Variants in SEMA6D observed in about 807,000 individuals in gnomAD.
SEMA6D encodes the protein semaphorin-6D.
A neutral mutation model predicts 106.6 loss-of-function variants in SEMA6D; 35 were observed. The ratio of observed to expected loss-of-function variants is 0.33; its 90% confidence interval spans 0.25 to 0.44. SEMA6D has a LOEUF of 0.44. Among genes scored for constraint, SEMA6D ranks in the 20% least tolerant of loss-of-function variants. The pLI, the probability that SEMA6D is intolerant of heterozygous loss-of-function variation, is 1.00. For synonymous variants in SEMA6D, 499 were observed against 487.7 expected (o/e 1.02, Z -0.31); for missense variants, 1,185 against 1,345.9 (o/e 0.88, Z 1.87).
intron 1 of SEMA6D, among the ~76,000 whole-genome samples, chr15:47,370,681 C>CT (rs1794724671): frequency 1.4e-5 from 1 of 72,668 alleles, no homozygotes; most frequent in African/African-American, 6.0e-5. Context: ...GCCGTCTCTA[C>CT]TTAAAAAAAA....
At chr15:47,721,184 C>G (rs1567020913) in intron 1 of SEMA6D, among the ~76,000 whole-genome samples, 1 of 152,150 alleles carries the variant, frequency 6.6e-6, no homozygotes, top group Non-Finnish European at 1.5e-5. Context: ...GAAAACAGAC[C>G]TTTTGACAAG....
At chr15:47,197,786 C>T (rs940896114) in intron 1 of SEMA6D, among the ~76,000 whole-genome samples, 12 of 151,922 alleles carry the variant, frequency 7.9e-5, no homozygotes, top group South Asian at 4.2e-4. Context: ...ATTCCCATGC[C>T]GTCATTAATT....
chr15:47,723,590 A>G (rs971773089), intron 1 of SEMA6D, among the ~76,000 whole-genome samples: 3 of 152,202 alleles, frequency 2.0e-5, no homozygotes, highest in Non-Finnish European at 2.9e-5. Flanking sequence ...ATTAGATTGT[A>G]CTATACATTT....
At chr15:47,627,774 GTCAAGATAAGAGTA>G (rs1486609635) in intron 4 of SEMA6D, among the ~76,000 whole-genome samples, 4 of 152,012 alleles carry the variant, frequency 2.6e-5, no homozygotes, top group Admixed American at 2.0e-4. Context: ...CACTGGTGCT[GTCAAGATAAGAGTA>G]TAGCTCCATC....
rs1183855035 is a variant in SEMA6D, at chr15:47,437,038, T to A, written c.-159+24566T>A. On this transcript the variant is annotated intron_variant, in intron 2 of 19. Coordinates refer to the SEMA6D transcript ENST00000558014. Reference sequence around the variant, plus strand: ...AAAGAAAGAAAGAGAGAAGGGAGGGTAGGGAGGGGAGGGGATGGGAAGGGG... The same window carrying A: ...AAAGAAAGAAAGAGAGAAGGGAGGGAAGGGAGGGGAGGGGATGGGAAGGGG... 2.9e-4 allele frequency among the ~76,000 whole-genome samples: 7 copies of A among 23,958 alleles called. No individual in the cohort carries two copies. The East Asian group carries it at 3.9e-3, about 13-fold the overall frequency. 15.7% of individuals were successfully genotyped at this position (23,958 alleles called of 152,430 possible).
At chr15:47,534,686 G>A (rs1055249347) in intron 3 of SEMA6D, among the ~76,000 whole-genome samples, 10 of 151,966 alleles carry the variant, frequency 6.6e-5, no homozygotes, top group South Asian at 4.2e-4. Context: ...TAATGCTTTC[G>A]GGGATTTGAG....
chr15:47,607,083 A>G lies in SEMA6D; in HGVS notation c.-55+6187A>G, dbSNP rs1027501569. 3.4e-5 allele frequency among the ~76,000 whole-genome samples: 5 copies of G among 149,226 alleles called. No homozygotes were observed. The East Asian group carries it at 9.8e-4, about 29-fold the overall frequency. On this transcript the variant is annotated intron_variant, in intron 4 of 19. Transcript: ENST00000558014. ...AGAAGGCTTAAATAAAATTGTTTGA[A>G]AATTATGATAAGGACTTGATCAGAT...
At chr15:47,490,436 G>A (rs1216767775) in intron 3 of SEMA6D, among the ~76,000 whole-genome samples, 1 of 152,100 alleles carries the variant, frequency 6.6e-6, no homozygotes, top group Non-Finnish European at 1.5e-5. Context: ...ACAAGGTCAG[G>A]AGTTCAAGAC....
chr15:47,518,990 C>T (rs1048617648), intron 3 of SEMA6D, among the ~76,000 whole-genome samples: 16 of 151,768 alleles, frequency 1.1e-4, no homozygotes, highest in African/African-American at 3.4e-4. Context: ...TTTGGGAGGC[C>T]GAGGCAGGTG....
chr15:47,760,334 G>T lies in SEMA6D; in HGVS notation c.140G>T (p.Arg47Leu). ...AGGCAATATCCGGTTTTTAGAGGAC[G>T]CCCTTCAGGCAATGAATCGCAGCAC... ...YSRQYPVFRG[R>L]PSGNESQHRL... The change falls in exon 3 of 19, where the codon CGC becomes CTC. Residue 47 changes from arginine (R) to leucine (L), a missense_variant. This residue lies in a region of SEMA6D where 144 missense variants were observed against 138.6 expected (regional missense o/e 1.04). Transcript: ENST00000536845. 6.2e-7 allele frequency: 1 copy of T among 1,613,522 alleles called. No individual in the cohort carries two copies. The highest frequency in any genetic ancestry group is 8.5e-7 in the Non-Finnish European group (1 of 1,179,618).
At chr15:47,683,585 G>C (rs1017285504) in intron 4 of SEMA6D, among the ~76,000 whole-genome samples, 2 of 152,124 alleles carry the variant, frequency 1.3e-5, no homozygotes, top group African/African-American at 4.8e-5. Flanking sequence ...AACTGAATGT[G>C]ATATATTTGG....
At chr15:47,297,519 G>A (rs1339510635) in intron 1 of SEMA6D, among the ~76,000 whole-genome samples, 1 of 152,112 alleles carries the variant, frequency 6.6e-6, no homozygotes, top group Non-Finnish European at 1.5e-5. Flanking sequence ...TGCCTAAAAT[G>A]GAAAACCTTG....
intron 1 of SEMA6D, among the ~76,000 whole-genome samples, chr15:47,365,889 AG>A (rs1259240158): frequency 5.0e-3 from 295 of 59,316 alleles, no homozygotes; most frequent in South Asian, 0.027. Flanking sequence ...AGAGAGAGAG[AG>A]GAGAGAGAGA....
chr15:47,471,994 A>T (rs1011646786), intron 3 of SEMA6D, among the ~76,000 whole-genome samples: 4 of 151,572 alleles, frequency 2.6e-5, no homozygotes, highest in African/African-American at 9.7e-5. Flanking sequence ...AAAGAGAGAG[A>T]GGGAAGGGGG....
chr15:47,668,544 C>T (rs1262361282), intron 4 of SEMA6D, among the ~76,000 whole-genome samples: 1 of 152,162 alleles, frequency 6.6e-6, no homozygotes, highest in African/African-American at 2.4e-5. Context: ...TTCCATTCCC[C>T]CTTCTCTGCT....
chr15:47,349,137 AAC>A (rs2038208201), intron 1 of SEMA6D, among the ~76,000 whole-genome samples: 1 of 151,968 alleles, frequency 6.6e-6, no homozygotes, highest in South Asian at 2.1e-4. Context: ...ACACAGTATA[AAC>A]ACAGAGTGGT....
intron 4 of SEMA6D, among the ~76,000 whole-genome samples, chr15:47,700,434 G>A (rs1403300580): frequency 1.3e-5 from 2 of 152,100 alleles, no homozygotes; most frequent in African/African-American, 4.8e-5. Context: ...TACTCAGAAG[G>A]TTGAGGTGGG....
intron 1 of SEMA6D, among the ~76,000 whole-genome samples, chr15:47,371,680 G>A (rs900644245): frequency 3.3e-5 from 5 of 152,042 alleles, no homozygotes; most frequent in African/African-American, 1.2e-4. Flanking sequence ...TCCGAGATGA[G>A]AATATCCCCA....
At chr15:47,381,929 A>G (rs1236448634) in intron 1 of SEMA6D, among the ~76,000 whole-genome samples, 1 of 152,108 alleles carries the variant, frequency 6.6e-6, no homozygotes. Flanking sequence ...CAGTGAAGAT[A>G]TGTTGAATAT....
Sources: gnomAD v4.1 joint callset for allele counts (sites outside exome capture counted in the v4.1 genomes callset) on GRCh38, gnomAD v4.1.1 for gene constraint, gnomAD v4.1.1 regional missense constraint, MANE v1.5 for transcripts, NCBI Gene and HGNC (gene_info 2026-07-23, HGNC 2026-07-21) for gene names.